The following PPP1R1C variants were observed in gnomAD, a reference collection of about 807,000 sequenced individuals.
PPP1R1C encodes the protein protein phosphatase 1 regulatory inhibitor subunit 1C, also known as protein phosphatase 1 regulatory subunit 1C.
A neutral mutation model predicts 17.4 loss-of-function variants in PPP1R1C; 15 were observed. That is an observed-to-expected ratio of 0.86 (90% confidence interval 0.58 to 1.33). PPP1R1C has a LOEUF of 1.33. PPP1R1C is among the 40% of genes most tolerant of loss of function. The pLI is 0.00. For missense variants in PPP1R1C, 143 were observed against 130.0 expected (o/e 1.10, Z -0.48); for synonymous variants, 35 against 43.1 (o/e 0.81, Z 0.73).
At chr2:182,053,796 T>C (rs930971102) in intron 2 of PPP1R1C, among the ~76,000 whole-genome samples, 4 of 151,998 alleles carry the variant, frequency 2.6e-5, no homozygotes, top group Non-Finnish European at 4.4e-5. Flanking sequence ...ATTTATTCTT[T>C]TGAGACAGAA....
exon 6 of PPP1R1C, chr2:182,129,872 T>A (rs908142990): frequency 6.6e-6 from 1 of 152,174 alleles, no homozygotes; most frequent in Non-Finnish European, 1.5e-5. Flanking sequence ...CATAGGCAGA[T>A]ACTTTTGCTA....
At chr2:182,042,915 T>C (rs1037607750) in intron 2 of PPP1R1C, among the ~76,000 whole-genome samples, 2 of 152,218 alleles carry the variant, frequency 1.3e-5, no homozygotes, top group African/African-American at 4.8e-5. Context: ...TGTGAGCCTT[T>C]CTGGATGCAG....
chr2:181,966,420 G>T (rs1379225189), intron 1 of PPP1R1C, among the ~76,000 whole-genome samples: 3 of 152,116 alleles, frequency 2.0e-5, no homozygotes, highest in African/African-American at 7.2e-5. Context: ...TCCCCATTCA[G>T]TATGATACTA....
chr2:181,961,994 T>A lies in PPP1R1C; in HGVS notation n.111+7360T>A. The stretch of plus-strand genomic sequence containing the variant: ...TGTCTCATACTTGACTCTAAAGTCA[T>A]CGGCTGCAAGACAGGCATTGTCAAT... On this transcript the variant is annotated intron_variant and non_coding_transcript_variant, in intron 1 of 5. Transcript: ENST00000464264. The surrounding 1 kb of genome is among the most constrained non-coding windows in gnomAD (Gnocchi z 5.8). 1.4e-6 allele frequency: 1 copy of A among 732,280 alleles called. No homozygotes were observed. Among genetic ancestry groups the A allele is most frequent in the South Asian group, 1.4e-5 (1 of 73,262 alleles). The allele number at this position is 732,280 out of a possible 1,614,324, so 45.4% of individuals were successfully genotyped here.
At chr2:181,973,484 T>C (rs141468941) in intron 1 of PPP1R1C, among the ~76,000 whole-genome samples, 2 of 152,282 alleles carry the variant, frequency 1.3e-5, no homozygotes, top group East Asian at 1.9e-4. Flanking sequence ...TCAGAGAACA[T>C]ATACAAAGTA....
chr2:182,021,681 A>G (rs1686433625), intron 2 of PPP1R1C, among the ~76,000 whole-genome samples: 1 of 152,214 alleles, frequency 6.6e-6, no homozygotes, highest in Admixed American at 6.5e-5. Context: ...AAAGAAGATG[A>G]TGGCAATTTC....
intron 3 of PPP1R1C, among the ~76,000 whole-genome samples, chr2:182,062,659 C>G (rs1157796159): frequency 2.0e-5 from 3 of 152,042 alleles, no homozygotes; most frequent in Non-Finnish European, 4.4e-5. Flanking sequence ...TAATTGATTG[C>G]TTTTGCATCA....
In PPP1R1C at chr2:181,961,612, C is replaced by T. The variant is rs1684795900; in HGVS notation, n.111+6978C>T. The T allele has an allele frequency of 2.7e-6, 2 of 743,080 alleles. No individual in the cohort carries two copies. Among genetic ancestry groups the T allele is most frequent in the African/African-American group, 1.7e-5 (1 of 58,868 alleles). 46.0% of individuals were successfully genotyped at this position (743,080 alleles called of 1,614,324 possible). A position where few individuals can be genotyped will look rare whatever the true frequency, so the allele number is the denominator to read the frequency against. ...CTCCGTGAGCGTCATCTCAGCATCT[C>T]CAACCTTGGTGGACTGCGTAGTGAC... On this transcript the variant is annotated intron_variant and non_coding_transcript_variant, in intron 1 of 5. Transcript: ENST00000464264. The surrounding 1 kb of genome is among the most constrained non-coding windows in gnomAD (Gnocchi z 5.8).
chr2:182,087,470 CATTT>C (rs1053432837), intron 4 of PPP1R1C, among the ~76,000 whole-genome samples: 48 of 152,294 alleles, frequency 3.2e-4, no homozygotes, highest in African/African-American at 1.2e-3. Context: ...CAAATTTTAT[CATTT>C]ACTTATTAAT....
At chr2:182,092,682 C>T (rs1447975407) in intron 4 of PPP1R1C, among the ~76,000 whole-genome samples, 2 of 152,152 alleles carry the variant, frequency 1.3e-5, no homozygotes, top group African/African-American at 4.8e-5. Flanking sequence ...TTGGCCAAAA[C>T]AAAGGTGCTA....
At chr2:181,999,184 G>A (rs903902356) in intron 2 of PPP1R1C, among the ~76,000 whole-genome samples, 7 of 152,088 alleles carry the variant, frequency 4.6e-5, no homozygotes, top group African/African-American at 1.7e-4. Context: ...TTTGAAACAT[G>A]TTTAGGACAC....
intron 4 of PPP1R1C, among the ~76,000 whole-genome samples, chr2:182,090,348 TGAGA>T (rs1266389868): frequency 2.1e-5 from 3 of 145,682 alleles, no homozygotes; most frequent in Non-Finnish European, 4.5e-5. Context: ...AGAGAAAAAC[TGAGA>T]GAGAGACAGA....
At chr2:182,076,851 G>A (rs780300954) in intron 4 of PPP1R1C, among the ~76,000 whole-genome samples, 1 of 152,116 alleles carries the variant, frequency 6.6e-6, no homozygotes, top group Non-Finnish European at 1.5e-5. Flanking sequence ...AAGAAATATG[G>A]AAGAGTGTTG....
At chr2:182,013,606 T>G (rs1372215200) in intron 2 of PPP1R1C, among the ~76,000 whole-genome samples, 1 of 152,170 alleles carries the variant, frequency 6.6e-6, no homozygotes, top group Non-Finnish European at 1.5e-5. Context: ...ATTATTACTT[T>G]GAATAAACTT....
intron 2 of PPP1R1C, among the ~76,000 whole-genome samples, chr2:182,006,222 A>G (rs918826673): frequency 1.3e-5 from 2 of 152,176 alleles, no homozygotes; most frequent in Admixed American, 6.5e-5. Context: ...ATTATTATCC[A>G]TGATCTTACT....
intron 4 of PPP1R1C, among the ~76,000 whole-genome samples, chr2:182,108,563 A>T (rs1205213545): frequency 6.6e-6 from 1 of 152,188 alleles, no homozygotes; most frequent in Non-Finnish European, 1.5e-5. Context: ...TTTCAGACAC[A>T]TAATAACCAT....
intron 4 of PPP1R1C, among the ~76,000 whole-genome samples, chr2:182,085,502 G>A (rs1688603447): frequency 6.6e-6 from 1 of 152,046 alleles, no homozygotes; most frequent in Non-Finnish European, 1.5e-5. Flanking sequence ...CCCCATTCGA[G>A]TATGAACGTG....
chr2:182,083,039 AG>A (rs1288013193), intron 4 of PPP1R1C, among the ~76,000 whole-genome samples: 1 of 152,184 alleles, frequency 6.6e-6, no homozygotes, highest in Non-Finnish European at 1.5e-5. Context: ...AGATTCTTAA[AG>A]GGGCCTTAGG....
chr2:181,989,521 T>C (rs1394349911), intron 2 of PPP1R1C, among the ~76,000 whole-genome samples: 1 of 152,200 alleles, frequency 6.6e-6, no homozygotes, highest in Non-Finnish European at 1.5e-5. Context: ...CTTTATAATG[T>C]GACTAGTCAT....
Sources: allele counts gnomAD v4.1 joint callset (sites outside exome capture counted in the v4.1 genomes callset), GRCh38; gene constraint gnomAD v4.1.1; non-coding constraint Gnocchi (gnomAD v3.1); transcripts MANE v1.5; gene names NCBI Gene and HGNC (gene_info 2026-07-23, HGNC 2026-07-21).